The following ADGRB3 variants were observed in gnomAD, a reference collection of about 807,000 sequenced individuals.
The protein encoded by ADGRB3 is brain-specific angiogenesis inhibitor 3.
In ADGRB3, 37 loss-of-function variants were observed where a neutral mutation model predicts 193.4. The observed-to-expected ratio is 0.19, with a 90% CI of 0.15 to 0.25. The LOEUF is 0.25. Among genes scored for constraint, ADGRB3 ranks in the 10% least tolerant of loss-of-function variants. The probability of loss-of-function intolerance (pLI) is 1.00; values close to 1 mark genes in which losing one functional copy is unlikely to be tolerated. For synonymous variants in ADGRB3, 690 were observed against 644.2 expected, an observed-to-expected ratio of 1.07 and a Z score of -1.08; for missense variants, 1,637 against 1,852.9, an observed-to-expected ratio of 0.88 and a Z score of 2.14.
chr6:68,840,053 G>A (rs1261757380), intron 3 of ADGRB3, among the ~76,000 whole-genome samples: 1 of 152,150 alleles, frequency 6.6e-6, no homozygotes, highest in South Asian at 2.1e-4. Context: ...CCAATGGTCA[G>A]AACGTGAGTT....
intron 3 of ADGRB3, among the ~76,000 whole-genome samples, chr6:68,698,091 A>G (rs2982541): frequency 2.0e-5 from 3 of 151,960 alleles, no homozygotes; most frequent in East Asian, 1.9e-4. Flanking sequence ...ATACAGATTC[A>G]TAAACATATG....
chr6:69,076,458 A>G (rs1453190122), intron 17 of ADGRB3, among the ~76,000 whole-genome samples: 2 of 152,126 alleles, frequency 1.3e-5, no homozygotes, highest in East Asian at 1.9e-4. Context: ...GAGTAATGCA[A>G]TATTTATATG....
chr6:69,318,342 T>A (rs1768363775), intron 20 of ADGRB3, among the ~76,000 whole-genome samples: 2 of 151,470 alleles, frequency 1.3e-5, no homozygotes, highest in Non-Finnish European at 3.0e-5. Context: ...TGTGACCATA[T>A]GATTTCTCTT....
chr6:68,838,859 A>G (rs2127386536), intron 3 of ADGRB3, among the ~76,000 whole-genome samples: 1 of 152,326 alleles, frequency 6.6e-6, no homozygotes, highest in African/African-American at 2.4e-5. Flanking sequence ...AATCTTTTTG[A>G]AGTGGCTTAC....
At chr6:69,020,425 A>G (rs1024240397) in intron 13 of ADGRB3, among the ~76,000 whole-genome samples, 1 of 152,032 alleles carries the variant, frequency 6.6e-6, no homozygotes, top group Non-Finnish European at 1.5e-5. Context: ...TCATTTATTC[A>G]TCTTTACCTT....
intron 3 of ADGRB3, among the ~76,000 whole-genome samples, chr6:68,749,416 G>A (rs990430370): frequency 3.0e-4 from 42 of 140,766 alleles, no homozygotes; most frequent in African/African-American, 6.3e-4. Context: ...ATATGTGTGT[G>A]TGTGTGTGTG....
intron 17 of ADGRB3, among the ~76,000 whole-genome samples, chr6:69,192,899 A>G (rs1765223008): frequency 6.6e-6 from 1 of 152,132 alleles, no homozygotes; most frequent in Admixed American, 6.6e-5. Context: ...TTCACTGCTG[A>G]CTACATTTTG....
At chr6:68,691,553 A>G (rs1032221925) in intron 3 of ADGRB3, among the ~76,000 whole-genome samples, 3 of 152,048 alleles carry the variant, frequency 2.0e-5, no homozygotes, top group African/African-American at 7.2e-5. Flanking sequence ...TTACTATGCA[A>G]CAATCTAAAT....
At chr6:68,865,983 C>T (rs1765287792) in intron 3 of ADGRB3, among the ~76,000 whole-genome samples, 1 of 152,150 alleles carries the variant, frequency 6.6e-6, no homozygotes, top group Non-Finnish European at 1.5e-5. Flanking sequence ...CATATATTTG[C>T]TAGACAGAGA....
At chr6:69,145,600 C>T (rs910052773) in intron 17 of ADGRB3, among the ~76,000 whole-genome samples, 2 of 152,096 alleles carry the variant, frequency 1.3e-5, no homozygotes, top group African/African-American at 4.8e-5. Context: ...AAGTTATTGT[C>T]CCATGTCCAG....
At chr6:69,264,074 A>G (rs1204345497) in intron 20 of ADGRB3, among the ~76,000 whole-genome samples, 1 of 151,994 alleles carries the variant, frequency 6.6e-6, no homozygotes, top group Non-Finnish European at 1.5e-5. Flanking sequence ...GGATACATGT[A>G]TTGCTGTCCT....
Position 68,783,077 on chromosome 6 carries a change from T to C in ADGRB3, c.757+143645T>C, listed in dbSNP as rs543250837. On this transcript the variant is annotated intron_variant, in intron 3 of 31. Transcript: ENST00000370598. ...CCAGCTAATATTTATGGAGTAATAA[T>C]TATATGGCAGGAACTGTAATACATT... Among the ~76,000 whole-genome samples, 215 of 100,030 alleles carry C rather than the reference T, an allele frequency of 2.1e-3. 3 individuals carry two copies. The highest frequency in any genetic ancestry group is 6.4e-3 in the African/African-American group (210 of 32,856). The allele number at this position is 100,030 out of a possible 152,430, so 65.6% of individuals were successfully genotyped here.
intron 12 of ADGRB3, among the ~76,000 whole-genome samples, chr6:69,014,743 G>A (rs866818408): frequency 6.6e-6 from 1 of 151,832 alleles, no homozygotes; most frequent in Non-Finnish European, 1.5e-5. Context: ...TAGAAAGAGA[G>A]AAAAATTATG....
intron 17 of ADGRB3, among the ~76,000 whole-genome samples, chr6:69,207,268 G>T (rs117048316): frequency 6.6e-6 from 1 of 152,294 alleles, no homozygotes; most frequent in Non-Finnish European, 1.5e-5. Flanking sequence ...ATCACTAGGG[G>T]AGATGGTGAG....
chr6:69,171,535 A>T (rs1227703146), intron 17 of ADGRB3, among the ~76,000 whole-genome samples: 1 of 152,088 alleles, frequency 6.6e-6, no homozygotes, highest in African/African-American at 2.4e-5. Flanking sequence ...GATGCATATG[A>T]TTTATCTTAG....
chr6:68,910,914 TTAAAG>T (rs1205742570), intron 3 of ADGRB3, among the ~76,000 whole-genome samples: 2 of 152,106 alleles, frequency 1.3e-5, no homozygotes, highest in African/African-American at 4.8e-5. Context: ...CATATGAACT[TTAAAG>T]TAGTTTTTTC....
chr6:68,730,602 T>C (rs1765755403), intron 3 of ADGRB3, among the ~76,000 whole-genome samples: 1 of 151,674 alleles, frequency 6.6e-6, no homozygotes. Flanking sequence ...ATTTTTTCAT[T>C]TTCCCCATGT....
At chr6:69,177,575 T>A (rs891748082) in intron 17 of ADGRB3, among the ~76,000 whole-genome samples, 1 of 152,110 alleles carries the variant, frequency 6.6e-6, no homozygotes, top group African/African-American at 2.4e-5. Context: ...CTTGATCTCT[T>A]GACCTCGTGA....
intron 19 of ADGRB3, among the ~76,000 whole-genome samples, chr6:69,236,807 A>G (rs987813245): frequency 6.6e-6 from 1 of 152,008 alleles, no homozygotes; most frequent in Non-Finnish European, 1.5e-5. Context: ...TCTTTAATGC[A>G]GAAAGTTCAA....
Sources: gnomAD v4.1 joint callset for allele counts (sites outside exome capture counted in the v4.1 genomes callset) on GRCh38, gnomAD v4.1.1 for gene constraint, MANE v1.5 for transcripts, NCBI Gene and HGNC (gene_info 2026-07-23, HGNC 2026-07-21) for gene names.